Variants in SLC4A4 observed in about 807,000 individuals in gnomAD.
The protein encoded by SLC4A4 is solute carrier family 4 member 4.
SLC4A4 carries 27 observed loss-of-function variants against 111.5 expected under a neutral mutation model. The observed-to-expected ratio is 0.24, with a 90% confidence interval of 0.18 to 0.33. The LOEUF is 0.33. SLC4A4 is among the 10% of genes least tolerant of loss of function. The pLI, the probability that SLC4A4 is intolerant of heterozygous loss-of-function variation, is 1.00. For synonymous variants in SLC4A4, 443 were observed against 463.4 expected (o/e 0.96, Z 0.57); for missense variants, 909 against 1,315.5 (o/e 0.69, Z 4.78).
intron 8 of SLC4A4, among the ~76,000 whole-genome samples, chr4:71,445,723 T>C (rs1725165972): frequency 6.6e-6 from 1 of 152,188 alleles, no homozygotes; most frequent in Non-Finnish European, 1.5e-5. Context: ...AGTACTTATG[T>C]TTCTCAATGG....
chr4:71,567,068 C>A lies in SLC4A4; in HGVS notation c.*21C>A. The A allele has an allele frequency of 6.2e-7, 1 of 1,609,422 alleles. No homozygotes were observed. The highest frequency in any genetic ancestry group is 1.1e-5 in the South Asian group (1 of 90,678). ...GCTGATAAAATTCCTTTCCTTCAGT[C>A]ACTCGGTATGCCAAGGTAAAGGAGA... On this transcript the variant is annotated 3_prime_UTR_variant, in exon 25 of 26. Transcript: ENST00000264485.
chr4:71,451,070 A>C, intron 10 of SLC4A4, 118 bp from the exon 11 acceptor site: 1 of 732,190 alleles, frequency 1.4e-6, no homozygotes, highest in South Asian at 1.5e-5. Flanking sequence ...GAAAGAAATA[A>C]CAATCTTTCA....
At chr4:71,338,602 T>C (rs1373737244) in intron 3 of SLC4A4, among the ~76,000 whole-genome samples, 1 of 150,908 alleles carries the variant, frequency 6.6e-6, no homozygotes, top group Non-Finnish European at 1.5e-5. Flanking sequence ...ACCCATGACC[T>C]GGGGGAAATT....
At chr4:71,078,019 T>G (rs762792721) in intron 1 of SLC4A4, among the ~76,000 whole-genome samples, 2 of 152,130 alleles carry the variant, frequency 1.3e-5, no homozygotes, top group Non-Finnish European at 2.9e-5. Flanking sequence ...CTTCTTTTCA[T>G]CCCATTACTT....
chr4:71,371,800 G>A (rs953466570), intron 6 of SLC4A4, among the ~76,000 whole-genome samples: 4 of 152,020 alleles, frequency 2.6e-5, no homozygotes, highest in African/African-American at 9.7e-5. Context: ...TGTATCTCAT[G>A]CTTTTGTGTC....
rs1732286832 is a variant in SLC4A4 at position 71,375,718 on chromosome 4, A to C, written c.730+18531A>C. ...GTATCCTTTATTGCAGGGATTGACA[A>C]ACTGTGGCCTATGTACAAAATCCAG... On this transcript the variant is annotated intron_variant, in intron 6 of 25. Transcript: ENST00000264485. 2.0e-5 allele frequency among the ~76,000 whole-genome samples: 3 copies of C among 152,256 alleles called. No individual in the cohort carries two copies. The South Asian group carries it at 6.2e-4, about 32-fold the overall frequency.
chr4:71,565,122 G>A (rs1250396449), intron 24 of SLC4A4, among the ~76,000 whole-genome samples: 5 of 151,788 alleles, frequency 3.3e-5, no homozygotes, highest in Admixed American at 6.6e-5. Flanking sequence ...CAAAATTTTT[G>A]GGAGTTTAAA....
intron 2 of SLC4A4, among the ~76,000 whole-genome samples, chr4:71,176,553 T>A (rs186758444): frequency 6.6e-6 from 1 of 152,300 alleles, no homozygotes; most frequent in Admixed American, 6.5e-5. Flanking sequence ...AGTAGCCGAT[T>A]TGATCAACTG....
chr4:71,262,470 G>A (rs369754196), intron 3 of SLC4A4, among the ~76,000 whole-genome samples: 1 of 152,122 alleles, frequency 6.6e-6, no homozygotes, highest in African/African-American at 2.4e-5. Context: ...TGCGAGCAAG[G>A]AGTCTCCATT....
intron 2 of SLC4A4, among the ~76,000 whole-genome samples, chr4:71,171,382 T>C (rs962585356): frequency 2.6e-5 from 4 of 152,164 alleles, no homozygotes; most frequent in Admixed American, 1.3e-4. Context: ...AGAAAGAGCA[T>C]AGGCCTAAGC....
intron 1 of SLC4A4, among the ~76,000 whole-genome samples, chr4:71,229,231 C>G (rs886095048): frequency 3.9e-5 from 6 of 152,088 alleles, no homozygotes; most frequent in African/African-American, 1.4e-4. Context: ...GTGTGTGTAT[C>G]AATAGTTTGT....
rs60748353 is a variant in SLC4A4 at position 71,156,597 on chromosome 4, C to CACACACAT, written c.-2+63812_-2+63813insTACACACA. Reference sequence around the variant, plus strand: ...ATGCGCGCGCGCGCGCGCACACACACACACACACACACACACATACACATT... The same window carrying CACACACAT: ...ATGCGCGCGCGCGCGCGCACACACACACACACATACACACACACACACACATACACATT... On this transcript the variant is annotated intron_variant, in intron 2 of 26. Transcript: ENST00000649996. Among the ~76,000 whole-genome samples, 922 of 150,440 alleles carry CACACACAT rather than the reference C, an allele frequency of 6.1e-3. 5 individuals carry two copies. Among genetic ancestry groups the CACACACAT allele is most frequent in the African/African-American group, 0.02 (819 of 40,582 alleles).
At chr4:71,502,748 C>T (rs1731057086) in intron 16 of SLC4A4, among the ~76,000 whole-genome samples, 1 of 152,096 alleles carries the variant, frequency 6.6e-6, no homozygotes, top group African/African-American at 2.4e-5. Context: ...TGTAGCCTAG[C>T]ATATGATCTG....
intron 3 of SLC4A4, among the ~76,000 whole-genome samples, chr4:71,262,904 GAAC>G (rs1721967998): frequency 6.6e-6 from 1 of 151,238 alleles, no homozygotes; most frequent in African/African-American, 2.4e-5. Flanking sequence ...GTGTACATGT[GAAC>G]AACGTGTAGG....
At chr4:71,510,266 C>G (rs1054600997) in intron 16 of SLC4A4, among the ~76,000 whole-genome samples, 3 of 152,202 alleles carry the variant, frequency 2.0e-5, no homozygotes, top group Admixed American at 2.0e-4. Context: ...GATGCCTTTT[C>G]CTTTGTCTAT....
chr4:71,487,045 C>G, intron 15 of SLC4A4, 27 bp downstream of exon 15: 1 of 1,307,390 alleles, frequency 7.6e-7, no homozygotes, highest in East Asian at 2.3e-5. Context: ...TTTAAATTAC[C>G]TTCATACTGA....
chr4:71,408,661 A>AT (rs1721090427), intron 7 of SLC4A4, among the ~76,000 whole-genome samples: 1 of 152,166 alleles, frequency 6.6e-6, no homozygotes, highest in African/African-American at 2.4e-5. Context: ...TTGTACCCAA[A>AT]TTTCTCTTTT....
chr4:71,165,706 T>C (rs1224345776), intron 2 of SLC4A4, among the ~76,000 whole-genome samples: 2 of 152,096 alleles, frequency 1.3e-5, no homozygotes, highest in Admixed American at 1.3e-4. Context: ...AGTATAATGA[T>C]AATTAAAAAA....
chr4:71,219,329 T>C lies in SLC4A4; in HGVS notation c.-1-17247T>C, dbSNP rs528063547. Among the ~76,000 whole-genome samples, 163 of 152,348 alleles carry C rather than the reference T, an allele frequency of 1.1e-3. 1 individual carries two copies. Among genetic ancestry groups the C allele is most frequent in the South Asian group, 8.1e-3 (39 of 4,824 alleles). On this transcript the variant is annotated intron_variant, in intron 1 of 25. Transcript: ENST00000264485. ...CTTAAGATTTATGCTAAATCTCCTC[T>C]GCCTATGCTCTGAAGATGGAACAGC...
Sources: gnomAD v4.1 joint callset for allele counts (sites outside exome capture counted in the v4.1 genomes callset) on GRCh38, gnomAD v4.1.1 for gene constraint, MANE v1.5 for transcripts, NCBI Gene and HGNC (gene_info 2026-07-23, HGNC 2026-07-21) for gene names.